ZPBP: variants seen among roughly 807,000 people sequenced by gnomAD.
The protein encoded by ZPBP is zona pellucida-binding protein 1.
In ZPBP, 26 loss-of-function variants were observed where a neutral mutation model predicts 44.8. The ratio of observed to expected loss-of-function variants is 0.58; its 90% confidence interval spans 0.43 to 0.81. The LOEUF is 0.81. Among genes scored for constraint, ZPBP ranks in the 30% least tolerant of loss-of-function variants. The probability of loss-of-function intolerance (pLI) is 0.00; values close to 1 mark genes in which losing one functional copy is unlikely to be tolerated. For synonymous variants in ZPBP, 174 were observed against 153.2 expected (o/e 1.14, Z -1.00); for missense variants, 409 against 434.0 (o/e 0.94, Z 0.51).
rs574489225 is a variant in ZPBP at position 49,904,251 on chromosome 7, A to AC, written n.412-3037dup. Among the ~76,000 whole-genome samples, 38 of 152,226 alleles carry AC rather than the reference A, an allele frequency of 2.5e-4. No individual in the cohort carries two copies. The East Asian group carries it at 7.0e-3, about 28-fold the overall frequency. On this transcript the variant is annotated intron_variant and non_coding_transcript_variant, in intron 1 of 2. Transcript: ENST00000465922. ...TGCTTTTCATTAAAAGAAAAGCTTT[A>AC]CCGAGGACTCCCATACCCTCACTAT... is the stretch of plus-strand genomic sequence containing the variant.
chr7:49,889,995 G>A (rs1792064004), intron 2 of ZPBP, among the ~76,000 whole-genome samples: 2 of 152,070 alleles, frequency 1.3e-5, no homozygotes, highest in African/African-American at 4.8e-5. Flanking sequence ...CTAATTCTAG[G>A]TTTCAGTTTT....
intron 3 of ZPBP, among the ~76,000 whole-genome samples, chr7:50,070,384 T>C (rs889131768): frequency 2.6e-5 from 4 of 152,210 alleles, no homozygotes; most frequent in African/African-American, 9.6e-5. Flanking sequence ...CCTGAAGTGC[T>C]GGTATTGTCC....
Position 49,873,906 on chromosome 7 carries a change from TAA to T in ZPBP, n.510-23394_510-23393del, listed in dbSNP as rs11326386. ...AGAAATGTCAAAACATATAATTAAG[TAA>T]AAAAAAAAAACAACAAAAAAAAGAT... On this transcript the variant is annotated intron_variant and non_coding_transcript_variant, in intron 2 of 2. Transcript: ENST00000465922. 1.4e-3 allele frequency among the ~76,000 whole-genome samples: 205 copies of T among 146,476 alleles called. 1 individual carries two copies. Among genetic ancestry groups the T allele is most frequent in the Non-Finnish European group, 1.5e-3 (97 of 66,606 alleles).
intron 2 of ZPBP, among the ~76,000 whole-genome samples, chr7:49,867,617 A>T (rs145934186): frequency 6.6e-6 from 1 of 152,298 alleles, no homozygotes; most frequent in East Asian, 1.9e-4. Context: ...CACAGGAGAC[A>T]TCTGAGGCAT....
intron 2 of ZPBP, among the ~76,000 whole-genome samples, chr7:50,087,390 T>C (rs1212287500): frequency 6.6e-6 from 1 of 152,010 alleles, no homozygotes; most frequent in Non-Finnish European, 1.5e-5. Flanking sequence ...TGCATCATAT[T>C]AACAAGATAA....
intron 3 of ZPBP, among the ~76,000 whole-genome samples, chr7:50,076,781 A>C (rs931359277): frequency 6.6e-6 from 1 of 151,838 alleles, no homozygotes; most frequent in African/African-American, 2.4e-5. Context: ...ATTCTGTGTC[A>C]TGAATTGAAA....
At chr7:50,013,849 A>C (rs994096461) in intron 6 of ZPBP, among the ~76,000 whole-genome samples, 3 of 152,108 alleles carry the variant, frequency 2.0e-5, no homozygotes, top group African/African-American at 7.2e-5. Context: ...TTGACTTGCA[A>C]ACATACTTAA....
intron 2 of ZPBP, among the ~76,000 whole-genome samples, chr7:49,880,956 G>A (rs934082726): frequency 6.6e-6 from 1 of 152,150 alleles, no homozygotes. Context: ...TCTGGCTTTG[G>A]TGTGCTTTTT....
intron 4 of ZPBP, among the ~76,000 whole-genome samples, chr7:50,054,863 C>T (rs1380219344): frequency 6.6e-6 from 1 of 151,992 alleles, no homozygotes; most frequent in Non-Finnish European, 1.5e-5. Flanking sequence ...CACAAACATA[C>T]ACACACACAG....
chr7:49,919,452 A>T (rs1793904554), intron 1 of ZPBP: 1 of 152,210 alleles, frequency 6.6e-6, no homozygotes, highest in Non-Finnish European at 1.5e-5. Context: ...CTAGCTAGTG[A>T]TAAAATTATG....
chr7:50,018,137 T>G, intron 6 of ZPBP, 103 bp downstream of exon 6: 1 of 826,212 alleles, frequency 1.2e-6, no homozygotes. Context: ...AATCCTTAAC[T>G]GTGGGGATTC....
At chr7:49,862,839 A>G (rs556754657) in intron 2 of ZPBP, among the ~76,000 whole-genome samples, 149 of 152,206 alleles carry the variant, frequency 9.8e-4, no homozygotes, top group Non-Finnish European at 1.9e-3. Flanking sequence ...ATGATGTATA[A>G]TCCTTTTAAT....
chr7:49,914,319 T>G (rs1487754010), intron 1 of ZPBP: 1 of 152,240 alleles, frequency 6.6e-6, no homozygotes, highest in Non-Finnish European at 1.5e-5. Context: ...TTTTCAATGC[T>G]GTGAGAATTT....
chr7:50,053,479 TA>T (rs1461320164), intron 4 of ZPBP, among the ~76,000 whole-genome samples: 7 of 152,232 alleles, frequency 4.6e-5, no homozygotes, highest in Non-Finnish European at 1.0e-4. Context: ...TGTTCTTGTG[TA>T]TCACTTACAG....
chr7:49,933,428 AT>A (rs1794513812), downstream of ZPBP, among the ~76,000 whole-genome samples: 1 of 152,230 alleles, frequency 6.6e-6, no homozygotes, highest in Non-Finnish European at 1.5e-5. Context: ...GAACTAAGAA[AT>A]AGGAACAATT....
At chr7:49,888,712 A>T (rs544579218) in intron 2 of ZPBP, among the ~76,000 whole-genome samples, 1 of 152,226 alleles carries the variant, frequency 6.6e-6, no homozygotes, top group South Asian at 2.1e-4. Flanking sequence ...GGAGTTCTAG[A>T]TTAGCCTGGC....
chr7:49,916,669 T>C (rs1793743209), intron 1 of ZPBP: 1 of 152,242 alleles, frequency 6.6e-6, no homozygotes, highest in East Asian at 1.9e-4. Context: ...GCTTGTTGAA[T>C]TGTATTCCAT....
intron 2 of ZPBP, among the ~76,000 whole-genome samples, chr7:49,897,919 G>T (rs889055993): frequency 1.3e-5 from 2 of 152,150 alleles, no homozygotes; most frequent in Non-Finnish European, 2.9e-5. Flanking sequence ...CACACTTCTT[G>T]CAGGGGGAGG....
chr7:50,037,121 T>C (rs767601339), intron 4 of ZPBP, among the ~76,000 whole-genome samples: 1 of 152,164 alleles, frequency 6.6e-6, no homozygotes, highest in Non-Finnish European at 1.5e-5. Flanking sequence ...ATGAATACTA[T>C]AATGTGTGCA....
Sources: gnomAD v4.1 joint callset for allele counts (sites outside exome capture counted in the v4.1 genomes callset) on GRCh38, gnomAD v4.1.1 for gene constraint, MANE v1.5 for transcripts, NCBI Gene and HGNC (gene_info 2026-07-23, HGNC 2026-07-21) for gene names.